The following ATP6V1E1 variants were observed in gnomAD, a reference collection of about 807,000 sequenced individuals.
The protein encoded by ATP6V1E1 is V-type proton ATPase subunit E 1.
A neutral mutation model predicts 35.2 loss-of-function variants in ATP6V1E1; 21 were observed. The ratio of observed to expected loss-of-function variants is 0.60; its 90% confidence interval spans 0.42 to 0.86. The LOEUF is 0.86. ATP6V1E1 is among the 40% of genes least tolerant of loss of function. The pLI is 0.00. For missense variants in ATP6V1E1, 183 were observed against 272.6 expected (o/e 0.67, Z 2.32); for synonymous variants, 83 against 87.8 (o/e 0.95, Z 0.30).
chr22:17,593,009 C>G (rs187341859), intron 8 of ATP6V1E1, among the ~76,000 whole-genome samples: 1 of 151,978 alleles, frequency 6.6e-6, no homozygotes, highest in Non-Finnish European at 1.5e-5. Context: ...GGGATGGTCT[C>G]GATCTCCTGA....
rs748514222 is a variant in ATP6V1E1, at chr22:17,613,335, G to A, written c.100-15C>T. 2.5e-6 allele frequency: 4 copies of A among 1,600,342 alleles called. No individual in the cohort carries two copies. Among genetic ancestry groups the A allele is most frequent in the African/African-American group, 1.3e-5 (1 of 74,594 alleles). On this transcript the variant is annotated splice_polypyrimidine_tract_variant and intron_variant, in intron 2 of 8. Transcript: ENST00000253413. ...TCTTCTTCTGCCTAGAGGGAAATTA[G>A]TCAATATTAATTCATTACATCAAGT...
chr22:17,604,331 G>A (rs2057774996), intron 4 of ATP6V1E1, among the ~76,000 whole-genome samples: 1 of 152,024 alleles, frequency 6.6e-6, no homozygotes, highest in South Asian at 2.1e-4. Context: ...GTTCACATGT[G>A]GGCTTATTTG....
intron 6 of ATP6V1E1, among the ~76,000 whole-genome samples, chr22:17,598,842 A>C (rs1286445007): frequency 6.6e-6 from 1 of 152,242 alleles, no homozygotes; most frequent in Admixed American, 6.5e-5. Flanking sequence ...AAACGGATAG[A>C]AAGCAGGACA....
intron 1 of ATP6V1E1, among the ~76,000 whole-genome samples, chr22:17,626,599 T>C (rs2146321221): frequency 6.6e-6 from 1 of 150,948 alleles, no homozygotes; most frequent in African/African-American, 2.4e-5. Context: ...TGGTGTGATC[T>C]CGCCTCACCA....
At chr22:17,602,577 G>A (rs761224207) in intron 4 of ATP6V1E1, among the ~76,000 whole-genome samples, 2 of 151,744 alleles carry the variant, frequency 1.3e-5, no homozygotes, top group Non-Finnish European at 2.9e-5. Flanking sequence ...GGGTTGCACC[G>A]TGTTAGCCAG....
chr22:17,604,663 G>C (rs373149137), intron 4 of ATP6V1E1, among the ~76,000 whole-genome samples: 8 of 151,900 alleles, frequency 5.3e-5, no homozygotes, highest in African/African-American at 1.9e-4. Flanking sequence ...GAGATTACAG[G>C]TGCACACCAC....
chr22:17,605,689 T>TTCTC (rs200832041), intron 4 of ATP6V1E1, among the ~76,000 whole-genome samples: 20 of 122,996 alleles, frequency 1.6e-4, no homozygotes, highest in African/African-American at 5.8e-4. Context: ...AGGTAGATGT[T>TTCTC]TCTCTTTTTT....
At chr22:17,621,406 G>A (rs1220916141) in intron 1 of ATP6V1E1, among the ~76,000 whole-genome samples, 1 of 152,118 alleles carries the variant, frequency 6.6e-6, no homozygotes. Context: ...GCCTTCTACA[G>A]CTCAAGCGAT....
intron 4 of ATP6V1E1, among the ~76,000 whole-genome samples, chr22:17,603,741 T>C (rs1172861495): frequency 6.6e-6 from 1 of 152,096 alleles, no homozygotes; most frequent in Admixed American, 6.6e-5. Context: ...AAATCTGAAA[T>C]CCAAAAAACT....
At chr22:17,596,262 T>C (rs780920279) in intron 7 of ATP6V1E1, among the ~76,000 whole-genome samples, 3 of 152,142 alleles carry the variant, frequency 2.0e-5, no homozygotes, top group Non-Finnish European at 4.4e-5. Context: ...ATGGTGAAAT[T>C]TGATTCTCAA....
intron 7 of ATP6V1E1, 61 bp downstream of exon 7, chr22:17,598,133 G>C: frequency 7.6e-7 from 1 of 1,314,736 alleles, no homozygotes; most frequent in Admixed American, 1.8e-5. Context: ...AAAAAGGCCT[G>C]GTATAAAGGC....
intron 4 of ATP6V1E1, among the ~76,000 whole-genome samples, chr22:17,605,693 C>CTCTTT (rs754638458): frequency 9.6e-5 from 10 of 103,990 alleles, no homozygotes; most frequent in Admixed American, 2.5e-4. Flanking sequence ...AGATGTTTCT[C>CTCTTT]TTTTTTTTTT....
At chr22:17,622,423 G>A (rs1054888227) in intron 1 of ATP6V1E1, among the ~76,000 whole-genome samples, 5 of 152,120 alleles carry the variant, frequency 3.3e-5, no homozygotes, top group Admixed American at 6.6e-5. Flanking sequence ...CCCCATAGCA[G>A]CTTCTCCATA....
At chr22:17,613,080 G>T in intron 3 of ATP6V1E1, 131 bp downstream of exon 3, 1 of 901,574 alleles carries the variant, frequency 1.1e-6, no homozygotes, top group Non-Finnish European at 1.7e-6. Flanking sequence ...AGAAAGAGAA[G>T]TTAAACAATT....
intron 6 of ATP6V1E1, among the ~76,000 whole-genome samples, chr22:17,598,842 A>G (rs1286445007): frequency 6.6e-6 from 1 of 152,242 alleles, no homozygotes; most frequent in Non-Finnish European, 1.5e-5. Flanking sequence ...AAACGGATAG[A>G]AAGCAGGACA....
At chr22:17,627,066 T>G (rs1022599857) in intron 1 of ATP6V1E1, among the ~76,000 whole-genome samples, 3 of 152,004 alleles carry the variant, frequency 2.0e-5, no homozygotes, top group African/African-American at 4.8e-5. Flanking sequence ...CTTGGCTCAC[T>G]GCAACCTCCG....
At chr22:17,599,948 G>T in intron 6 of ATP6V1E1, 79 bp downstream of exon 6, 1 of 1,084,230 alleles carries the variant, frequency 9.2e-7, no homozygotes, top group Non-Finnish European at 1.3e-6. Context: ...AGGAAGGAAG[G>T]AAGGAAAAGA....
intron 2 of ATP6V1E1, among the ~76,000 whole-genome samples, chr22:17,615,761 G>A (rs5747280): frequency 0.36 from 53,943 of 151,856 alleles, 9,893 homozygotes; most frequent in African/African-American, 0.41. Context: ...GGCCTGGCGC[G>A]GTAGCTAACG....
intron 4 of ATP6V1E1, 33 bp downstream of exon 4, chr22:17,612,779 T>C: frequency 6.7e-7 from 1 of 1,488,334 alleles, no homozygotes; most frequent in African/African-American, 1.4e-5. Flanking sequence ...AAACATGTAA[T>C]AATTTTATAA....
Sources: gnomAD v4.1 joint callset for allele counts (sites outside exome capture counted in the v4.1 genomes callset) on GRCh38, gnomAD v4.1.1 for gene constraint, MANE v1.5 for transcripts, NCBI Gene and HGNC (gene_info 2026-07-23, HGNC 2026-07-21) for gene names.